Variants in ANKRD11 observed in about 807,000 individuals in gnomAD.
ANKRD11 encodes ankyrin repeat domain-containing protein 11.
A neutral mutation model predicts 195.7 loss-of-function variants in ANKRD11; 17 were observed. That is an observed-to-expected ratio of 0.09 (90% CI 0.06 to 0.13). The LOEUF (loss-of-function observed/expected upper bound fraction) is 0.13. Ranked by LOEUF, ANKRD11 falls within the 10% of genes least tolerant of loss-of-function variation. The pLI, the probability that ANKRD11 is intolerant of heterozygous loss-of-function variation, is 1.00. For synonymous variants in ANKRD11, 1,953 were observed against 1,528.1 expected, an observed-to-expected ratio of 1.28 and a Z score of -6.49; for missense variants, 3,735 against 3,566.1, an observed-to-expected ratio of 1.05 and a Z score of -1.21.
In ANKRD11 at chr16:89,294,308, C is replaced by T. The variant is rs370531853; in HGVS notation, c.227-3125G>A. On this transcript the variant is annotated intron_variant, in intron 4 of 12. Coordinates refer to ENST00000301030, the MANE Select transcript of ANKRD11 (RefSeq NM_013275.6). ...CACAGGGACCTTGCTCTGCCCCACA[C>T]TCAGGAAAAGCTTGCTCCCAGGAAG... Among the ~76,000 whole-genome samples the T allele has an allele frequency of 2.9e-3, 435 of 152,286 alleles. 1 individual carries two copies. Among genetic ancestry groups the T allele is most frequent in the African/African-American group, 0.01 (421 of 41,540 alleles).
chr16:89,482,849 A>AG (rs1307148958), intron 1 of ANKRD11, among the ~76,000 whole-genome samples: 2 of 152,234 alleles, frequency 1.3e-5, no homozygotes, highest in East Asian at 3.8e-4. Flanking sequence ...TTGAAGACTG[A>AG]GGAAAGCACT....
At chr16:89,369,651 T>C (rs2040107748) in intron 2 of ANKRD11, among the ~76,000 whole-genome samples, 1 of 152,216 alleles carries the variant, frequency 6.6e-6, no homozygotes, top group Non-Finnish European at 1.5e-5. Flanking sequence ...AGGGGGGTCC[T>C]TGTGGTGACG....
chr16:89,464,989 A>C (rs2056834896), intron 1 of ANKRD11, among the ~76,000 whole-genome samples: 1 of 152,230 alleles, frequency 6.6e-6, no homozygotes, highest in Non-Finnish European at 1.5e-5. Context: ...ACAGGCTAAG[A>C]ATGAGGTTTA....
chr16:89,413,068 G>C (rs376004896), intron 2 of ANKRD11, among the ~76,000 whole-genome samples: 2 of 152,174 alleles, frequency 1.3e-5, no homozygotes, highest in Admixed American at 6.5e-5. Context: ...AGCCTGGAGG[G>C]GGAGGGAGTA....
At chr16:89,485,947 G>C (rs1483265102) in intron 1 of ANKRD11, among the ~76,000 whole-genome samples, 1 of 152,186 alleles carries the variant, frequency 6.6e-6, no homozygotes, top group East Asian at 1.9e-4. Flanking sequence ...CTGAGACCTT[G>C]ATGGAAACGA....
At chr16:89,272,416 T>G (rs1435160044) in intron 11 of ANKRD11, 1 of 152,192 alleles carries the variant, frequency 6.6e-6, no homozygotes, top group African/African-American at 2.4e-5. Context: ...AGAAAGAAAC[T>G]GGGGGCCAGG....
At chr16:89,415,934 C>T (rs1174425416) in intron 2 of ANKRD11, among the ~76,000 whole-genome samples, 1 of 151,814 alleles carries the variant, frequency 6.6e-6, no homozygotes, top group Non-Finnish European at 1.5e-5. Flanking sequence ...ACACTGCGCC[C>T]AACCTCTGCT....
chr16:89,279,617 C>T lies in ANKRD11; in HGVS notation c.6925G>A (p.Gly2309Ser), dbSNP rs1274282430. Residue 2309 changes from glycine (G) to serine (S), a missense_variant, in exon 9 of 13, where the codon GGC becomes AGC. Gly to Ser is a moderately conservative substitution (Grantham distance 56). Coordinates refer to ENST00000301030, the MANE Select transcript of ANKRD11 (RefSeq NM_013275.6). The surrounding 1 kb of genome is among the most constrained non-coding windows in gnomAD (Gnocchi z 5.6). ...GGTTCTGCGGCTTCCGGCTGGATGC[C>T]GCCAGGAGGGCCTTCGGCTGGGGCG... ...AAAPAEGPPG[G>S]IQPEAAEPKP... 22 of 1,438,686 alleles carry T rather than the reference C, an allele frequency of 1.5e-5. No homozygotes were observed. Among genetic ancestry groups the T allele is most frequent in the Admixed American group, 2.7e-5 (1 of 36,624 alleles). The allele number at this position is 1,438,686 out of a possible 1,614,324, so 89.1% of individuals were successfully genotyped here. A position where few individuals can be genotyped will look rare whatever the true frequency, so the allele number is the denominator to read the frequency against.
At chr16:89,433,807 GGA>G (rs1317490721) in intron 1 of ANKRD11, among the ~76,000 whole-genome samples, 1 of 151,730 alleles carries the variant, frequency 6.6e-6, no homozygotes, top group Admixed American at 6.6e-5. Context: ...TTGGACGCGG[GGA>G]CTGGGCACGC....
intron 2 of ANKRD11, among the ~76,000 whole-genome samples, chr16:89,386,332 A>G (rs79042649): frequency 6.6e-6 from 1 of 152,004 alleles, no homozygotes; most frequent in Non-Finnish European, 1.5e-5. Flanking sequence ...CTCCCTTCTG[A>G]GGGCAGCACG....
chr16:89,384,990 A>G (rs1018313876), intron 2 of ANKRD11, among the ~76,000 whole-genome samples: 1 of 136,118 alleles, frequency 7.3e-6, no homozygotes, highest in Non-Finnish European at 1.5e-5. Context: ...GGTTCAAGTG[A>G]TTCTCCTGAC....
chr16:89,420,412 C>T (rs1011397603), intron 1 of ANKRD11: 2 of 152,234 alleles, frequency 1.3e-5, no homozygotes, highest in Admixed American at 6.5e-5. Context: ...AAAATGTCTC[C>T]AGACGATGTC....
chr16:89,279,198 G>A lies in ANKRD11; in HGVS notation c.7344C>T (p.Ile2448=), dbSNP rs773836911. Residue 2448 remains isoleucine (I), a synonymous_variant, in exon 9 of 13, where the codon ATC becomes ATT. Transcript: ENST00000301030. The surrounding 1 kb of genome is among the most constrained non-coding windows in gnomAD (Gnocchi z 5.6). ...YFEYLQIRKK[I]EEKRKILCCI... ...AGCACAGGATCTTGCGCTTCTCCTC[G>A]ATCTTCTTCCTGATCTGCAGGTATT... 24 of 1,612,506 alleles carry A rather than the reference G, an allele frequency of 1.5e-5. No homozygotes were observed. The highest frequency in any genetic ancestry group is 1.2e-4 in the South Asian group (11 of 90,998).
chr16:89,490,098 C>A (rs954265600), intron 1 of ANKRD11, 147 bp downstream of exon 1: 1 of 134,972 alleles, frequency 7.4e-6, no homozygotes, highest in African/African-American at 2.7e-5. Context: ...CCCCCAAAGA[C>A]CCCCGCCCAC....
chr16:89,384,770 C>T (rs190016159), intron 2 of ANKRD11, among the ~76,000 whole-genome samples: 6 of 151,852 alleles, frequency 4.0e-5, no homozygotes, highest in African/African-American at 1.5e-4. Flanking sequence ...GTATTTAGCA[C>T]CTACAGAAAA....
chr16:89,273,960 A>G (rs1490310472), intron 11 of ANKRD11, among the ~76,000 whole-genome samples: 1 of 152,148 alleles, frequency 6.6e-6, no homozygotes, highest in Non-Finnish European at 1.5e-5. Context: ...GGCACGTCCC[A>G]CTGCACAGGA....
intron 11 of ANKRD11, among the ~76,000 whole-genome samples, chr16:89,273,954 C>A (rs2033411930): frequency 1.3e-5 from 2 of 152,130 alleles, no homozygotes; most frequent in Admixed American, 6.5e-5. Flanking sequence ...GTTCCAGGCA[C>A]GTCCCACTGC....
chr16:89,414,479 CT>C (rs1340117328), intron 2 of ANKRD11, among the ~76,000 whole-genome samples: 1 of 152,190 alleles, frequency 6.6e-6, no homozygotes, highest in Non-Finnish European at 1.5e-5. Context: ...AAGATGTCAG[CT>C]TCAACTACTT....
chr16:89,272,761 T>G (rs188829611), intron 11 of ANKRD11: 2 of 152,224 alleles, frequency 1.3e-5, no homozygotes. Context: ...CTTGTGTCCA[T>G]CAACAGATGA....
Sources: gnomAD v4.1 joint callset for allele counts (sites outside exome capture counted in the v4.1 genomes callset) on GRCh38, gnomAD v4.1.1 for gene constraint, Gnocchi (gnomAD v3.1) non-coding constraint, MANE v1.5 for transcripts, NCBI Gene and HGNC (gene_info 2026-07-23, HGNC 2026-07-21) for gene names.